Variants in EYS observed in about 807,000 individuals in gnomAD.
EYS encodes the protein protein eyes shut homolog.
Under a neutral mutation model 282.1 loss-of-function variants are expected in EYS, and 250 were observed. That is an observed-to-expected ratio of 0.89 (90% confidence interval 0.80 to 0.98). The LOEUF is 0.98. Among genes scored for constraint, EYS ranks in the 50% least tolerant of loss-of-function variants. The probability of loss-of-function intolerance (pLI) is 0.00; values close to 1 mark genes in which losing one functional copy is unlikely to be tolerated. For synonymous variants in EYS, 1,355 were observed against 1,282.9 expected (o/e 1.06, Z -1.20); for missense variants, 4,016 against 3,709.0 (o/e 1.08, Z -2.15).
chr6:64,804,665 T>C (rs1005028211), intron 22 of EYS, among the ~76,000 whole-genome samples: 2 of 152,142 alleles, frequency 1.3e-5, no homozygotes, highest in African/African-American at 4.8e-5. Context: ...TCTGATGACA[T>C]ACTAAAGCAA....
rs1029466976 is a variant in EYS, at chr6:64,594,753, A to T, written c.3685-1444T>A. Among the ~76,000 whole-genome samples the T allele has an allele frequency of 7.8e-4, 118 of 151,494 alleles. 1 individual carries two copies. The highest frequency in any genetic ancestry group is 3.2e-4 in the Non-Finnish European group (22 of 67,852). On this transcript the variant is annotated intron_variant, in intron 24 of 42. Transcript: ENST00000503581. ...ATACCTAATGCTAAATGACGAGTTA[A>T]TGGGTGCAGCACACCAACATGGCAC...
At chr6:65,315,399 A>G (rs1360800128) in intron 11 of EYS, among the ~76,000 whole-genome samples, 1 of 152,192 alleles carries the variant, frequency 6.6e-6, no homozygotes, top group Non-Finnish European at 1.5e-5. Flanking sequence ...AAGTTAAAAA[A>G]TAATATTTCC....
At chr6:65,498,023 T>C (rs1421081354) in intron 2 of EYS, among the ~76,000 whole-genome samples, 2 of 151,958 alleles carry the variant, frequency 1.3e-5, no homozygotes, top group Non-Finnish European at 2.9e-5. Flanking sequence ...ACAGAGGCAA[T>C]ACAAATATAA....
At chr6:64,372,248 C>T (rs762570136) in intron 29 of EYS, among the ~76,000 whole-genome samples, 2 of 147,104 alleles carry the variant, frequency 1.4e-5, no homozygotes, top group South Asian at 2.2e-4. Flanking sequence ...AAAAAATTCT[C>T]TCAGCATTTG....
chr6:65,353,470 A>G lies in EYS; in HGVS notation c.1447T>C (p.Leu483=), dbSNP rs778634641. 8 of 1,612,976 alleles carry G rather than the reference A, an allele frequency of 5.0e-6. No individual in the cohort carries two copies. Among genetic ancestry groups the G allele is most frequent in the East Asian group, 2.2e-5 (1 of 44,692 alleles). The change falls in exon 9 of 43, where the codon TTG becomes CTG. Residue 483 remains leucine (L), a synonymous_variant. Transcript: ENST00000503581. ...ATAAATTTGTTACCTGCAAATCCCA[A>G]TTGCCACACATATTCAAATTGAGCA... The part of the protein sequence containing the change: ...GPAQFEYVWQ[L]GFAGSEGEKC...
intron 5 of EYS, among the ~76,000 whole-genome samples, chr6:65,419,915 T>C (rs1454041873): frequency 6.6e-6 from 1 of 151,988 alleles, no homozygotes; most frequent in African/African-American, 2.4e-5. Flanking sequence ...TTATAATCTA[T>C]TAAGTGTGCA....
chr6:64,870,450 G>A (rs1766561695), intron 19 of EYS, among the ~76,000 whole-genome samples: 2 of 130,988 alleles, frequency 1.5e-5, no homozygotes, highest in Admixed American at 8.1e-5. Flanking sequence ...ACAAAAAGCT[G>A]GGAAGTGGGA....
chr6:64,360,208 C>A (rs182868222), intron 29 of EYS, among the ~76,000 whole-genome samples: 1 of 151,820 alleles, frequency 6.6e-6, no homozygotes. Context: ...CATGAGGAAA[C>A]TAACTACTAG....
chr6:65,670,868 T>A (rs1047630664), intron 1 of EYS, among the ~76,000 whole-genome samples: 1 of 152,068 alleles, frequency 6.6e-6, no homozygotes, highest in African/African-American at 2.4e-5. Context: ...CAGTTATAGC[T>A]ATCTCACAGA....
At chr6:65,515,661 AATC>A (rs1767098973) in intron 2 of EYS, among the ~76,000 whole-genome samples, 1 of 151,780 alleles carries the variant, frequency 6.6e-6, no homozygotes, top group Non-Finnish European at 1.5e-5. Context: ...TGAAATTGGA[AATC>A]ATCATTCTCA....
chr6:64,675,362 A>G (rs1769614426), intron 22 of EYS, among the ~76,000 whole-genome samples: 1 of 151,696 alleles, frequency 6.6e-6, no homozygotes, highest in Non-Finnish European at 1.5e-5. Flanking sequence ...CCTAAACTAA[A>G]GATTCTGGTC....
chr6:65,378,542 C>CCAAAGGATTATAATTCATT (rs1156388350), intron 8 of EYS, among the ~76,000 whole-genome samples: 4 of 152,058 alleles, frequency 2.6e-5, no homozygotes, highest in Non-Finnish European at 5.9e-5. Flanking sequence ...GGGTATATAT[C>CCAAAGGATTATAATTCATT]CAAAGGATTA....
chr6:64,387,744 C>T (rs1582684361), intron 29 of EYS, among the ~76,000 whole-genome samples: 1 of 152,122 alleles, frequency 6.6e-6, no homozygotes, highest in African/African-American at 2.4e-5. Flanking sequence ...AATAAACATA[C>T]TGCTAATGGA....
At chr6:64,198,745 G>A (rs1765375532) in intron 31 of EYS, among the ~76,000 whole-genome samples, 1 of 152,108 alleles carries the variant, frequency 6.6e-6, no homozygotes, top group Non-Finnish European at 1.5e-5. Flanking sequence ...ATTTGGATTG[G>A]TTCCAAGTCT....
chr6:63,801,543 A>G (rs1770782858), intron 37 of EYS, among the ~76,000 whole-genome samples: 1 of 152,222 alleles, frequency 6.6e-6, no homozygotes, highest in Admixed American at 6.5e-5. Flanking sequence ...GAAGTCATGT[A>G]TTCATCTGTG....
At chr6:64,212,389 A>G (rs1765806907) in intron 31 of EYS, among the ~76,000 whole-genome samples, 1 of 152,004 alleles carries the variant, frequency 6.6e-6, no homozygotes, top group Non-Finnish European at 1.5e-5. Context: ...AAACACCAAG[A>G]TAAATGACAA....
chr6:64,947,653 C>CTTTT (rs67440131), intron 14 of EYS, among the ~76,000 whole-genome samples: 1 of 129,308 alleles, frequency 7.7e-6, no homozygotes, highest in African/African-American at 2.8e-5. Context: ...CTTATTTTTT[C>CTTTT]TTTTTTTTTT....
intron 30 of EYS, among the ~76,000 whole-genome samples, chr6:64,272,679 T>A (rs1182984928): frequency 1.3e-5 from 2 of 152,130 alleles, no homozygotes; most frequent in Non-Finnish European, 2.9e-5. Flanking sequence ...GGATTTTGAC[T>A]GGAATTGTAT....
At chr6:65,633,832 C>T (rs1035401917) in intron 2 of EYS, among the ~76,000 whole-genome samples, 1 of 152,190 alleles carries the variant, frequency 6.6e-6, no homozygotes, top group Non-Finnish European at 1.5e-5. Context: ...CACAGTCATT[C>T]ATTTACATAT....
Sources: allele counts gnomAD v4.1 joint callset (sites outside exome capture counted in the v4.1 genomes callset), GRCh38; gene constraint gnomAD v4.1.1; transcripts MANE v1.5; gene names NCBI Gene and HGNC (gene_info 2026-07-23, HGNC 2026-07-21).